CENPK: variants seen among roughly 807,000 people sequenced by gnomAD.
CENPK encodes centromere protein K.
Under a neutral mutation model 40.9 loss-of-function variants are expected in CENPK, and 46 were observed. The ratio of observed to expected loss-of-function variants is 1.13; its 90% CI spans 0.89 to 1.44. The LOEUF (loss-of-function observed/expected upper bound fraction) is 1.44, where lower values mean the gene tolerates loss of function less well. Among genes scored for constraint, CENPK ranks in the 40% most tolerant of loss-of-function variants. The pLI, the probability that CENPK is intolerant of heterozygous loss-of-function variation, is 0.00. For synonymous variants in CENPK, 107 were observed against 104.4 expected (o/e 1.02, Z -0.15); for missense variants, 288 against 303.5 (o/e 0.95, Z 0.38).
At chr5:65,562,322 T>G (rs990966077) in intron 1 of CENPK, among the ~76,000 whole-genome samples, 10 of 152,010 alleles carry the variant, frequency 6.6e-5, no homozygotes, top group South Asian at 4.1e-4. Context: ...CAAAAGAAAG[T>G]AGTCTGATGA....
the CENPK span, among the ~76,000 whole-genome samples, chr5:65,500,531 G>C: frequency 6.6e-6 from 1 of 151,714 alleles, no homozygotes; most frequent in African/African-American, 2.4e-5. Flanking sequence ...TTTTTTTCTT[G>C]TAAATTTGTT....
At chr5:65,523,564 G>A (rs1744152536) in intron 9 of CENPK, among the ~76,000 whole-genome samples, 1 of 152,128 alleles carries the variant, frequency 6.6e-6, no homozygotes, top group Admixed American at 6.6e-5. Context: ...AAAAAGAGTG[G>A]TATAAATGAG....
chr5:65,558,008 G>A (rs1392920388), intron 2 of CENPK, among the ~76,000 whole-genome samples: 1 of 152,186 alleles, frequency 6.6e-6, no homozygotes, highest in Non-Finnish European at 1.5e-5. Flanking sequence ...AGGAGCTGAG[G>A]TGAGAGGATC....
chr5:65,558,489 T>C (rs1432934265), intron 2 of CENPK, among the ~76,000 whole-genome samples: 1 of 152,188 alleles, frequency 6.6e-6, no homozygotes, highest in East Asian at 1.9e-4. Context: ...TCTATGTGGA[T>C]TGTTTCTCTT....
intron 2 of CENPK, among the ~76,000 whole-genome samples, chr5:65,555,504 G>A (rs1459254161): frequency 2.0e-5 from 3 of 152,172 alleles, no homozygotes; most frequent in Admixed American, 2.0e-4. Flanking sequence ...GAGATGATAA[G>A]CAATTAGTTT....
At chr5:65,547,285 C>T (rs555104761) in intron 5 of CENPK, among the ~76,000 whole-genome samples, 5 of 151,156 alleles carry the variant, frequency 3.3e-5, no homozygotes, top group East Asian at 2.0e-4. Context: ...CCCAGCTACT[C>T]GGGAGACTGA....
intron 5 of CENPK, chr5:65,551,113 G>T: frequency 2.8e-6 from 1 of 356,068 alleles, no homozygotes; most frequent in South Asian, 2.1e-5. Flanking sequence ...AACCAAGCAT[G>T]GTGGCACACA....
chr5:65,499,409 A>G, the CENPK span, among the ~76,000 whole-genome samples: 1 of 151,536 alleles, frequency 6.6e-6, no homozygotes, highest in Non-Finnish European at 1.5e-5. Flanking sequence ...GTTTTTCCCC[A>G]TAGGTAAGGT....
rs1745176674 is a variant in CENPK, at chr5:65,528,657, G to A, written c.471-79C>T. On this transcript the variant is annotated intron_variant, in intron 8 of 10. Transcript: ENST00000396679. ...CATGTAACTAGTTATTCATGAAGTTGATCAAAAACTTTGTTAAAACTTCAT... is the reference window on the plus strand; with the variant it reads ...CATGTAACTAGTTATTCATGAAGTTAATCAAAAACTTTGTTAAAACTTCAT... 20 of 1,380,258 alleles carry A rather than the reference G, an allele frequency of 1.4e-5. 1 individual carries two copies. In the South Asian group the frequency reaches 2.2e-4, roughly 16 times the overall value. 85.5% of individuals were successfully genotyped at this position (1,380,258 alleles called of 1,614,324 possible).
intron 1 of CENPK, among the ~76,000 whole-genome samples, chr5:65,561,802 T>C (rs1046171477): frequency 3.3e-5 from 5 of 152,194 alleles, no homozygotes; most frequent in Non-Finnish European, 4.4e-5. Flanking sequence ...TACTATTAAT[T>C]GGGAAAAGAT....
chr5:65,540,989 T>C (rs1249570453), intron 6 of CENPK, among the ~76,000 whole-genome samples: 1 of 151,692 alleles, frequency 6.6e-6, no homozygotes, highest in African/African-American at 2.4e-5. Flanking sequence ...ACACAGAAGA[T>C]TTTTTATTTT....
chr5:65,504,120 T>C, the CENPK span, among the ~76,000 whole-genome samples: 2 of 151,734 alleles, frequency 1.3e-5, no homozygotes, highest in South Asian at 2.1e-4. Context: ...TTGACCCAAA[T>C]ATAAGCTAAA....
intron 5 of CENPK, among the ~76,000 whole-genome samples, chr5:65,545,753 G>C (rs970102367): frequency 6.6e-6 from 1 of 152,172 alleles, no homozygotes; most frequent in Non-Finnish European, 1.5e-5. Context: ...AGTAAGCTTG[G>C]AGATGGATCC....
At chr5:65,535,991 G>A (rs1235015913) in intron 6 of CENPK, among the ~76,000 whole-genome samples, 1 of 152,152 alleles carries the variant, frequency 6.6e-6, no homozygotes, top group Admixed American at 6.6e-5. Context: ...AGTTACTGTA[G>A]GTAGAAGTTA....
intron 6 of CENPK, among the ~76,000 whole-genome samples, chr5:65,537,513 C>T (rs1257825179): frequency 6.6e-6 from 1 of 152,142 alleles, no homozygotes; most frequent in Non-Finnish European, 1.5e-5. Context: ...GCCGTGCTAG[C>T]CAGGATGGTC....
chr5:65,559,328 T>C lies in CENPK; in HGVS notation c.-40+2135A>G, dbSNP rs374820998. On this transcript the variant is annotated intron_variant, in intron 2 of 10. Transcript: ENST00000396679. ...CTCTTTATGGGACTTGACAAGCAAATTGTAAAATTTACATGGAAGGGCCGG... is the reference window on the plus strand; with the variant it reads ...CTCTTTATGGGACTTGACAAGCAAACTGTAAAATTTACATGGAAGGGCCGG... Among the ~76,000 whole-genome samples, 5 of 152,270 alleles carry C rather than the reference T, an allele frequency of 3.3e-5. No individual in the cohort carries two copies. The South Asian group carries it at 1.0e-3, about 32-fold the overall frequency.
chr5:65,524,276 T>G (rs1169440156), intron 9 of CENPK, among the ~76,000 whole-genome samples: 1 of 147,238 alleles, frequency 6.8e-6, no homozygotes, highest in African/African-American at 2.5e-5. Flanking sequence ...TCCCAGCTAC[T>G]CGGGAGGCTG....
chr5:65,551,394 A>C (rs1049568455), intron 5 of CENPK, among the ~76,000 whole-genome samples, 170 bp downstream of exon 5: 2 of 152,152 alleles, frequency 1.3e-5, no homozygotes, highest in African/African-American at 4.8e-5. Flanking sequence ...TATCAATAAT[A>C]ATAAAAGAAG....
At position 65,525,019 on chromosome 5, in the gene CENPK, G is replaced by A. The variant is rs980810461; in HGVS notation, c.597+3433C>T. ...ATTTGATGCAAAGAAATATTTATCCGAGTTCAACTGTTCAACTTCACTCAT... is the reference window on the plus strand; with the variant it reads ...ATTTGATGCAAAGAAATATTTATCCAAGTTCAACTGTTCAACTTCACTCAT... On this transcript the variant is annotated intron_variant, in intron 9 of 10. Transcript: ENST00000396679. Among the ~76,000 whole-genome samples, 20 of 152,128 alleles carry A rather than the reference G, an allele frequency of 1.3e-4. 1 individual carries two copies. Among genetic ancestry groups the A allele is most frequent in the South Asian group, 8.3e-4 (4 of 4,822 alleles).
Sources: gnomAD v4.1 joint callset for allele counts (sites outside exome capture counted in the v4.1 genomes callset) on GRCh38, gnomAD v4.1.1 for gene constraint, MANE v1.5 for transcripts, NCBI Gene and HGNC (gene_info 2026-07-23, HGNC 2026-07-21) for gene names.